The following KCNH8 variants were observed in gnomAD, a reference collection of about 807,000 sequenced individuals.
KCNH8 encodes potassium voltage-gated channel subfamily H member 8, also known as voltage-gated delayed rectifier potassium channel KCNH8.
Under a neutral mutation model 103.6 loss-of-function variants are expected in KCNH8, and 70 were observed. The observed-to-expected ratio is 0.68, with a 90% CI of 0.56 to 0.82. The LOEUF is 0.82. KCNH8 is among the 40% of genes least tolerant of loss of function. The pLI is 0.00. For synonymous variants in KCNH8, 498 were observed against 489.4 expected (o/e 1.02, Z -0.23); for missense variants, 1,217 against 1,329.9 (o/e 0.92, Z 1.32).
chr3:19,272,524 G>C (rs918170571), intron 2 of KCNH8, among the ~76,000 whole-genome samples: 1 of 152,028 alleles, frequency 6.6e-6, no homozygotes, highest in Admixed American at 6.6e-5. Flanking sequence ...CCTAGGAAAT[G>C]AGGAACTGCT....
chr3:19,314,859 C>T (rs1000378257), intron 3 of KCNH8: 1 of 154,172 alleles, frequency 6.5e-6, no homozygotes, highest in African/African-American at 2.4e-5. Context: ...AATTACTGGA[C>T]ATTGACTGCA....
chr3:19,429,729 C>T (rs529067924), intron 7 of KCNH8, among the ~76,000 whole-genome samples: 2 of 152,168 alleles, frequency 1.3e-5, no homozygotes, highest in African/African-American at 4.8e-5. Flanking sequence ...CCTCCTCCTA[C>T]CCTCTGCCCT....
At chr3:19,512,493 A>G (rs982597673) in intron 12 of KCNH8, among the ~76,000 whole-genome samples, 2 of 152,194 alleles carry the variant, frequency 1.3e-5, no homozygotes, top group African/African-American at 4.8e-5. Context: ...AAAGCTTTTT[A>G]TTCTCAAGAA....
At chr3:19,210,567 AT>A (rs201921876) in intron 1 of KCNH8, among the ~76,000 whole-genome samples, 6,192 of 152,172 alleles carry the variant, frequency 0.041, 448 homozygotes, top group African/African-American at 0.14. Flanking sequence ...ATTTAAAAAA[AT>A]ATATATTGCT....
At chr3:19,332,821 C>T (rs140262792) in intron 3 of KCNH8, among the ~76,000 whole-genome samples, 71 of 152,040 alleles carry the variant, frequency 4.7e-4, no homozygotes, top group African/African-American at 1.7e-3. Context: ...TCAGTAGAGA[C>T]GGGGTTTCAT....
At chr3:19,191,338 A>G (rs532904200) in intron 1 of KCNH8, among the ~76,000 whole-genome samples, 38 of 151,858 alleles carry the variant, frequency 2.5e-4, no homozygotes, top group Admixed American at 2.0e-3. Flanking sequence ...TATTTTATCA[A>G]CCTTCTAAAT....
intron 7 of KCNH8, among the ~76,000 whole-genome samples, chr3:19,419,334 G>GGACTA (rs2066915440): frequency 6.6e-6 from 1 of 151,308 alleles, no homozygotes; most frequent in Non-Finnish European, 1.5e-5. Flanking sequence ...CGAGTAGCTG[G>GGACTA]GACTACAGGC....
Position 19,159,045 on chromosome 3 carries a change from A to G in KCNH8, c.76+10250A>G, listed in dbSNP as rs371328670. ...TTCTGGCTTGTTGTTTGAGAGGTAA[A>G]TATTTTATTATATATTTGTGCTTTA... is the stretch of plus-strand genomic sequence containing the variant. On this transcript the variant is annotated intron_variant, in intron 1 of 15. Coordinates refer to ENST00000328405, the MANE Select transcript of KCNH8 (RefSeq NM_144633.3). Among the ~76,000 whole-genome samples the G allele has an allele frequency of 6.6e-5, 10 of 151,908 alleles. No homozygotes were observed. In the East Asian group the frequency reaches 1.4e-3, roughly 21 times the overall value.
intron 7 of KCNH8, among the ~76,000 whole-genome samples, chr3:19,399,425 C>T (rs995802919): frequency 1.3e-5 from 2 of 151,918 alleles, no homozygotes; most frequent in Admixed American, 1.3e-4. Context: ...TTGAATTAGT[C>T]TCTGAAGAAC....
chr3:19,374,134 G>A (rs1341043870), intron 5 of KCNH8, among the ~76,000 whole-genome samples: 1 of 150,736 alleles, frequency 6.6e-6, no homozygotes, highest in East Asian at 1.9e-4. Flanking sequence ...TCCACTTGGT[G>A]CAGAGCTGAG....
intron 7 of KCNH8, 140 bp from the exon 8 acceptor site, chr3:19,438,024 T>C (rs2067226543): frequency 5.7e-6 from 4 of 696,168 alleles, no homozygotes; most frequent in Non-Finnish European, 1.0e-5. Flanking sequence ...TCTAATAGCT[T>C]GCCTTTAATT....
At chr3:19,177,446 C>G (rs549591628) in intron 1 of KCNH8, among the ~76,000 whole-genome samples, 1 of 152,128 alleles carries the variant, frequency 6.6e-6, no homozygotes, top group East Asian at 1.9e-4. Context: ...GAATTATTTT[C>G]TATTATGTTC....
intron 3 of KCNH8, among the ~76,000 whole-genome samples, chr3:19,301,777 G>T (rs73182727): frequency 0.1 from 15,854 of 152,170 alleles, 957 homozygotes; most frequent in East Asian, 0.17. Context: ...TGTCCAACTT[G>T]GCTAGAAATG....
chr3:19,529,788 C>T (rs193132763), intron 15 of KCNH8, among the ~76,000 whole-genome samples: 7 of 152,238 alleles, frequency 4.6e-5, no homozygotes, highest in African/African-American at 1.7e-4. Context: ...ACAATTAATT[C>T]CCTCATGCAA....
intron 1 of KCNH8, among the ~76,000 whole-genome samples, chr3:19,159,338 G>A (rs1342342282): frequency 2.6e-5 from 4 of 151,342 alleles, no homozygotes; most frequent in Admixed American, 2.0e-4. Context: ...ATATAATATA[G>A]TGTATATATA....
chr3:19,404,988 A>T (rs1402211847), intron 7 of KCNH8, among the ~76,000 whole-genome samples: 7 of 151,848 alleles, frequency 4.6e-5, no homozygotes, highest in Non-Finnish European at 1.0e-4. Context: ...GGTAGAATAG[A>T]GGACATTTTA....
intron 13 of KCNH8, among the ~76,000 whole-genome samples, chr3:19,515,065 C>T (rs1377767184): frequency 2.0e-5 from 3 of 151,578 alleles, no homozygotes; most frequent in African/African-American, 7.3e-5. Context: ...TAAAAATACT[C>T]AGTGAAATAA....
At chr3:19,335,661 G>A (rs1019425523) in intron 3 of KCNH8, among the ~76,000 whole-genome samples, 9 of 151,398 alleles carry the variant, frequency 5.9e-5, no homozygotes, top group Admixed American at 2.0e-4. Context: ...TCTGAAATAG[G>A]CCTCAGAGAG....
chr3:19,358,981 G>C (rs149021850), intron 5 of KCNH8, among the ~76,000 whole-genome samples: 330 of 151,934 alleles, frequency 2.2e-3, no homozygotes, highest in African/African-American at 7.6e-3. Context: ...AAAAACAAAT[G>C]AGGAAGACAA....
Sources: allele counts gnomAD v4.1 joint callset (sites outside exome capture counted in the v4.1 genomes callset), GRCh38; gene constraint gnomAD v4.1.1; transcripts MANE v1.5; gene names NCBI Gene and HGNC (gene_info 2026-07-23, HGNC 2026-07-21).